Variants in MGAT4C observed in about 807,000 individuals in gnomAD.
MGAT4C encodes MGAT4 family member C, also known as alpha-1,3-mannosyl-glycoprotein 4-beta-N-acetylglucosaminyltransferase C.
MGAT4C carries 19 observed loss-of-function variants against 40.1 expected under a neutral mutation model. That is an observed-to-expected ratio of 0.47 (90% CI 0.33 to 0.70). MGAT4C has a LOEUF of 0.70. MGAT4C is among the 30% of genes least tolerant of loss of function. MGAT4C has a pLI of 0.02. For missense variants in MGAT4C, 491 were observed against 563.2 expected (o/e 0.87, Z 1.30); for synonymous variants, 181 against 187.1 (o/e 0.97, Z 0.27).
intron 1 of MGAT4C, among the ~76,000 whole-genome samples, chr12:86,760,842 TA>T (rs1475764367): frequency 3.9e-5 from 6 of 152,128 alleles, no homozygotes; most frequent in Non-Finnish European, 7.4e-5. Context: ...AGAAGCCAGA[TA>T]AAAAGTGTAT....
At chr12:86,128,318 T>C (rs1566022695) in intron 1 of MGAT4C, among the ~76,000 whole-genome samples, 1 of 152,160 alleles carries the variant, frequency 6.6e-6, no homozygotes, top group East Asian at 1.9e-4. Flanking sequence ...CTATGTGTTG[T>C]GGGAGGGACC....
intron 2 of MGAT4C, among the ~76,000 whole-genome samples, chr12:86,638,926 TAA>T (rs1963300034): frequency 6.6e-6 from 1 of 151,856 alleles, no homozygotes; most frequent in African/African-American, 2.4e-5. Context: ...TTCTTCATAG[TAA>T]ACTTGAGAGC....
chr12:86,352,212 T>C (rs1168513410), intron 3 of MGAT4C, among the ~76,000 whole-genome samples: 1 of 152,094 alleles, frequency 6.6e-6, no homozygotes, highest in Non-Finnish European at 1.5e-5. Context: ...ATTAATAATG[T>C]CTTATTTAAC....
rs1882983491 is a variant in MGAT4C, at chr12:85,959,254, A to G, written c.*20035T>C. Reference sequence around the variant, plus strand: ...CTAGAAATGTCAATCTAAAAGGCAGAAAAGCTGGAAAAATCTCATGAAGAC... The same window carrying G: ...CTAGAAATGTCAATCTAAAAGGCAGGAAAGCTGGAAAAATCTCATGAAGAC... On this transcript the variant is annotated 3_prime_UTR_variant, in exon 5 of 5. Coordinates refer to ENST00000611864, the MANE Select transcript of MGAT4C (RefSeq NM_001351288.2). 1 of 152,128 alleles carries G rather than the reference A, an allele frequency of 6.6e-6. No homozygotes were observed. Among genetic ancestry groups the G allele is most frequent in the Non-Finnish European group, 1.5e-5 (1 of 67,994 alleles). The allele number at this position is 152,128 out of a possible 1,614,324, so 9.4% of individuals were successfully genotyped here. A position where few individuals can be genotyped will look rare whatever the true frequency, so the allele number is the denominator to read the frequency against.
At position 86,758,390 on chromosome 12, in the gene MGAT4C, TAA is replaced by T. The variant is rs5799793; in HGVS notation, c.-261-31151_-261-31150del. Among the ~76,000 whole-genome samples the T allele has an allele frequency of 4.7e-3, 602 of 129,262 alleles. 1 individual carries two copies. The highest frequency in any genetic ancestry group is 0.014 in the Middle Eastern group (3 of 222). The allele number at this position is 129,262 out of a possible 152,430, so 84.8% of individuals were successfully genotyped here. On this transcript the variant is annotated intron_variant, in intron 1 of 7. Transcript: ENST00000548651. ...TGTCCGAATCCTTTTTTTTTTTTTT[TAA>T]AAAAAAGAAACTAACATTAATTAGT...
chr12:86,832,197 T>C (rs938582541), intron 1 of MGAT4C, among the ~76,000 whole-genome samples: 17 of 151,768 alleles, frequency 1.1e-4, no homozygotes, highest in African/African-American at 4.1e-4. Context: ...CTGGCAAAGA[T>C]TTCCCTCAAG....
At chr12:86,064,980 G>A (rs953949091) in intron 1 of MGAT4C, among the ~76,000 whole-genome samples, 1 of 152,078 alleles carries the variant, frequency 6.6e-6, no homozygotes, top group Non-Finnish European at 1.5e-5. Flanking sequence ...ATAAATTCCT[G>A]GACACATACA....
chr12:86,381,336 A>G (rs1014341092), intron 3 of MGAT4C, among the ~76,000 whole-genome samples: 1 of 152,206 alleles, frequency 6.6e-6, no homozygotes, highest in African/African-American at 2.4e-5. Context: ...TGAAAGTTCC[A>G]ATGTTTTCAC....
chr12:86,771,866 G>A (rs1367269477), intron 1 of MGAT4C, among the ~76,000 whole-genome samples: 1 of 151,958 alleles, frequency 6.6e-6, no homozygotes, highest in Non-Finnish European at 1.5e-5. Context: ...GTGTTCTAGT[G>A]TTTTGTGGAA....
chr12:86,735,083 T>C (rs996892010), intron 1 of MGAT4C, among the ~76,000 whole-genome samples: 5 of 152,030 alleles, frequency 3.3e-5, no homozygotes, highest in Non-Finnish European at 5.9e-5. Flanking sequence ...CTGTAGAGAA[T>C]CCAATCTACT....
At chr12:86,713,783 T>C (rs1481835488) in intron 2 of MGAT4C, among the ~76,000 whole-genome samples, 2 of 152,094 alleles carry the variant, frequency 1.3e-5, no homozygotes, top group East Asian at 3.9e-4. Context: ...TAGTAACTTT[T>C]CCAAAGTCCC....
intron 2 of MGAT4C, among the ~76,000 whole-genome samples, chr12:86,553,787 T>C (rs1469320733): frequency 2.6e-5 from 4 of 152,296 alleles, no homozygotes; most frequent in East Asian, 3.9e-4. Context: ...GAAATTGTAA[T>C]TGGAAGCTTG....
chr12:86,774,093 A>C (rs1565981073), intron 1 of MGAT4C, among the ~76,000 whole-genome samples: 1 of 151,190 alleles, frequency 6.6e-6, no homozygotes, highest in Non-Finnish European at 1.5e-5. Flanking sequence ...AGCTGGGACT[A>C]CAGCTGTGCA....
At position 86,804,496 on chromosome 12, in the gene MGAT4C, C is replaced by T. The variant is rs1184884417; in HGVS notation, c.-262+34170G>A. On this transcript the variant is annotated intron_variant, in intron 1 of 7. Transcript: ENST00000548651. Reference sequence around the variant, plus strand: ...ATATTTTTCTTTTATGAATTAGCTACATCATTTTATTATATTTGGCTATTT... The same window carrying T: ...ATATTTTTCTTTTATGAATTAGCTATATCATTTTATTATATTTGGCTATTT... Among the ~76,000 whole-genome samples the T allele has an allele frequency of 3.3e-5, 5 of 151,452 alleles. No individual in the cohort carries two copies. The East Asian group carries it at 9.7e-4, about 29-fold the overall frequency.
intron 1 of MGAT4C, among the ~76,000 whole-genome samples, chr12:86,250,330 T>TGAGAGAGAGAGAGAGAGAGA (rs3047014): frequency 7.0e-6 from 1 of 142,842 alleles, no homozygotes. Flanking sequence ...ACACACACAC[T>TGAGAGAGAGAGAGAGAGAGA]GAGAGAGAGA....
intron 2 of MGAT4C, among the ~76,000 whole-genome samples, chr12:86,011,384 A>G (rs1888448968): frequency 6.6e-6 from 1 of 152,244 alleles, no homozygotes; most frequent in Non-Finnish European, 1.5e-5. Context: ...ATTAGCAAAG[A>G]CAGAGAATAT....
At chr12:86,267,417 C>G (rs1235434993) in intron 4 of MGAT4C, among the ~76,000 whole-genome samples, 3 of 152,044 alleles carry the variant, frequency 2.0e-5, no homozygotes, top group Non-Finnish European at 2.9e-5. Context: ...ATACAGATCA[C>G]TAGTAAAGCA....
chr12:86,809,015 A>G (rs1475154451), intron 1 of MGAT4C, among the ~76,000 whole-genome samples: 2 of 152,156 alleles, frequency 1.3e-5, no homozygotes, highest in Non-Finnish European at 2.9e-5. Flanking sequence ...CAAATCATGT[A>G]TGAACTGCCA....
At chr12:86,595,798 T>C (rs922890858) in intron 2 of MGAT4C, among the ~76,000 whole-genome samples, 5 of 152,180 alleles carry the variant, frequency 3.3e-5, no homozygotes. Flanking sequence ...CTAAATTAAG[T>C]TTCTGACTTA....
Sources: allele counts gnomAD v4.1 joint callset (sites outside exome capture counted in the v4.1 genomes callset), GRCh38; gene constraint gnomAD v4.1.1; transcripts MANE v1.5; gene names NCBI Gene and HGNC (gene_info 2026-07-23, HGNC 2026-07-21).